The following DPP10 variants were observed in gnomAD, a reference collection of about 807,000 sequenced individuals.
DPP10 encodes the protein inactive dipeptidyl peptidase 10.
DPP10 carries 33 observed loss-of-function variants against 120.9 expected under a neutral mutation model. That is an observed-to-expected ratio of 0.27 (90% CI 0.21 to 0.37). The LOEUF is 0.37. DPP10 is among the 10% of genes least tolerant of loss of function. DPP10 has a pLI of 1.00. For missense variants in DPP10, 816 were observed against 942.8 expected, an observed-to-expected ratio of 0.87 and a Z score of 1.76; for synonymous variants, 337 against 326.1, an observed-to-expected ratio of 1.03 and a Z score of -0.36.
intron 1 of DPP10, among the ~76,000 whole-genome samples, chr2:114,679,740 T>A (rs1698901277): frequency 1.3e-5 from 2 of 151,996 alleles, no homozygotes; most frequent in South Asian, 4.1e-4. Context: ...TTGAGAAGGA[T>A]TTATTAAATG....
At chr2:115,433,891 T>A (rs1035554918) in intron 3 of DPP10, among the ~76,000 whole-genome samples, 2 of 151,972 alleles carry the variant, frequency 1.3e-5, no homozygotes, top group Non-Finnish European at 2.9e-5. Context: ...AAATCCAAAT[T>A]CAAATTTTTG....
chr2:115,391,544 A>G (rs1276573324), intron 3 of DPP10, among the ~76,000 whole-genome samples: 1 of 152,170 alleles, frequency 6.6e-6, no homozygotes, highest in Admixed American at 6.5e-5. Flanking sequence ...GAATAACTCT[A>G]TAATCGTCAT....
At chr2:115,064,703 A>T in intron 1 of DPP10, 8 of 1,302,350 alleles carry the variant, frequency 6.1e-6, no homozygotes, top group Non-Finnish European at 8.1e-6. Context: ...CATTGAAGTA[A>T]GATTCTGTGA....
intron 1 of DPP10, among the ~76,000 whole-genome samples, chr2:115,197,363 G>T (rs2055359575): frequency 6.6e-6 from 1 of 150,586 alleles, no homozygotes; most frequent in Non-Finnish European, 1.5e-5. Context: ...CTGCACTCCA[G>T]CCTGGGTGAC....
chr2:115,169,107 G>A (rs1238288297), intron 1 of DPP10, among the ~76,000 whole-genome samples: 1 of 152,188 alleles, frequency 6.6e-6, no homozygotes, highest in Admixed American at 6.5e-5. Flanking sequence ...GCAACGTGAT[G>A]TAAGACTGAG....
intron 1 of DPP10, among the ~76,000 whole-genome samples, chr2:114,903,820 A>C (rs1279355245): frequency 6.6e-6 from 1 of 152,204 alleles, no homozygotes; most frequent in Non-Finnish European, 1.5e-5. Flanking sequence ...ATGCACATAC[A>C]TCAAGGAAAA....
rs552146839 is a variant in DPP10, at chr2:114,817,963, T to C, written c.60+375125T>C. On this transcript the variant is annotated intron_variant, in intron 1 of 25. Transcript: ENST00000410059. ...AGTTTATCTAACTCAAGCCAATTCA[T>C]GTGAAGTCAACCAGAGTCTTGAAGG... 2.0e-5 allele frequency among the ~76,000 whole-genome samples: 3 copies of C among 152,304 alleles called. No homozygotes were observed. The South Asian group carries it at 6.2e-4, about 32-fold the overall frequency.
chr2:114,984,958 G>A (rs1700307130), intron 1 of DPP10, among the ~76,000 whole-genome samples: 1 of 152,028 alleles, frequency 6.6e-6, no homozygotes, highest in African/African-American at 2.4e-5. Flanking sequence ...ACACAGCAGA[G>A]GTTTTTAAAT....
At chr2:115,840,877 A>C (rs1199098471) in intron 25 of DPP10, 54 bp downstream of exon 25, 28 of 1,457,690 alleles carry the variant, frequency 1.9e-5, no homozygotes, top group Non-Finnish European at 2.6e-5. Context: ...TTCACTTGTG[A>C]GATACGCAAC....
intron 1 of DPP10, among the ~76,000 whole-genome samples, chr2:114,617,079 C>G (rs947843996): frequency 6.6e-6 from 1 of 152,082 alleles, no homozygotes; most frequent in African/African-American, 2.4e-5. Flanking sequence ...TATAAGACAA[C>G]TGACTGGTTA....
At chr2:114,993,667 T>G (rs971090160) in intron 1 of DPP10, among the ~76,000 whole-genome samples, 1 of 149,662 alleles carries the variant, frequency 6.7e-6, no homozygotes, top group African/African-American at 2.4e-5. Flanking sequence ...TTTTACCCTA[T>G]GCATAAAATT....
At chr2:115,702,129 C>A (rs2091916130) in intron 7 of DPP10, among the ~76,000 whole-genome samples, 1 of 151,918 alleles carries the variant, frequency 6.6e-6, no homozygotes, top group African/African-American at 2.4e-5. Context: ...GACACAATGA[C>A]CTTGAGGAAC....
intron 19 of DPP10, among the ~76,000 whole-genome samples, chr2:115,809,541 T>C (rs977209737): frequency 6.6e-6 from 1 of 152,216 alleles, no homozygotes; most frequent in African/African-American, 2.4e-5. Context: ...ATTTTTATTC[T>C]GTTCTTTACT....
intron 7 of DPP10, among the ~76,000 whole-genome samples, chr2:115,696,367 C>G (rs565637976): frequency 1.3e-5 from 2 of 152,072 alleles, no homozygotes; most frequent in Non-Finnish European, 1.5e-5. Flanking sequence ...AGGCCCTCCT[C>G]GCTTGTCACA....
intron 11 of DPP10, among the ~76,000 whole-genome samples, chr2:115,754,090 T>G (rs1244935671): frequency 6.6e-6 from 1 of 152,104 alleles, no homozygotes; most frequent in African/African-American, 2.4e-5. Context: ...ATCAAGTAAA[T>G]GCACAAAATC....
chr2:114,952,330 A>G (rs991023355), intron 1 of DPP10, among the ~76,000 whole-genome samples: 5 of 152,196 alleles, frequency 3.3e-5, no homozygotes, highest in East Asian at 1.9e-4. Context: ...CTTATATTCA[A>G]CAATGCTTTC....
At chr2:114,737,133 G>A (rs1293150338) in intron 1 of DPP10, among the ~76,000 whole-genome samples, 1 of 152,176 alleles carries the variant, frequency 6.6e-6, no homozygotes, top group Admixed American at 6.5e-5. Flanking sequence ...CTTAACGTTG[G>A]CATGTTTAGT....
At chr2:115,466,990 A>C (rs2074367424) in intron 3 of DPP10, among the ~76,000 whole-genome samples, 1 of 152,158 alleles carries the variant, frequency 6.6e-6, no homozygotes, top group South Asian at 2.1e-4. Context: ...GTGACAGTGA[A>C]GTTCCTTAAC....
At chr2:114,960,593 G>A (rs1196590465) in intron 1 of DPP10, among the ~76,000 whole-genome samples, 2 of 151,986 alleles carry the variant, frequency 1.3e-5, no homozygotes, top group African/African-American at 4.8e-5. Flanking sequence ...GCTTACTCAG[G>A]TAAAACCTCA....
Sources: gnomAD v4.1 joint callset for allele counts (sites outside exome capture counted in the v4.1 genomes callset) on GRCh38, gnomAD v4.1.1 for gene constraint, MANE v1.5 for transcripts, NCBI Gene and HGNC (gene_info 2026-07-23, HGNC 2026-07-21) for gene names.